The following UNC5B variants were observed in gnomAD, a reference collection of about 807,000 sequenced individuals.
The protein encoded by UNC5B is unc-5 netrin receptor B, also known as netrin receptor UNC5B.
UNC5B carries 56 observed loss-of-function variants against 103.7 expected under a neutral mutation model. That is an observed-to-expected ratio of 0.54 (90% CI 0.44 to 0.67). The LOEUF (loss-of-function observed/expected upper bound fraction) is 0.67, where lower values mean the gene tolerates loss of function less well. Among genes scored for constraint, UNC5B ranks in the 30% least tolerant of loss-of-function variants. The pLI is 0.00. For synonymous variants in UNC5B, 577 were observed against 542.0 expected, an observed-to-expected ratio of 1.06 and a Z score of -0.90; for missense variants, 1,194 against 1,284.5, an observed-to-expected ratio of 0.93 and a Z score of 1.08.
chr10:71,281,322 A>C (rs28662883), intron 2 of UNC5B, among the ~76,000 whole-genome samples: 6,064 of 151,474 alleles, frequency 0.04, 188 homozygotes, highest in South Asian at 0.089. Flanking sequence ...CTCACCCAAA[A>C]TATAAAAATG....
chr10:71,237,126 T>G (rs1197286698), intron 1 of UNC5B, among the ~76,000 whole-genome samples: 1 of 151,930 alleles, frequency 6.6e-6, no homozygotes, highest in Non-Finnish European at 1.5e-5. Context: ...CCAGGCTGGG[T>G]GTGGAATAGC....
At position 71,227,569 on chromosome 10, in the gene UNC5B, CAAAATA is replaced by C. The variant is rs1175326060; in HGVS notation, c.79+14520_79+14525del. On this transcript the variant is annotated intron_variant, in intron 1 of 16. Transcript: ENST00000335350. ...CACCTGTTCCCAAAAACTATTGAAA[CAAAATA>C]AAAATAAAAATAAATTTTGTATACA... 5.4e-5 allele frequency among the ~76,000 whole-genome samples: 8 copies of C among 148,076 alleles called. No homozygotes were observed. The East Asian group carries it at 1.6e-3, about 29-fold the overall frequency.
chr10:71,243,439 A>G (rs560258714), intron 1 of UNC5B, among the ~76,000 whole-genome samples: 1 of 152,298 alleles, frequency 6.6e-6, no homozygotes, highest in East Asian at 1.9e-4. Context: ...ACACGTGGCT[A>G]TTGAGCACTG....
In UNC5B at chr10:71,295,877, A is replaced by C. The variant is rs772150969; in HGVS notation, c.2242A>C (p.Lys748Gln). The C allele has an allele frequency of 6.2e-7, 1 of 1,613,194 alleles. No homozygotes were observed. The highest frequency in any genetic ancestry group is 1.1e-5 in the South Asian group (1 of 91,044). ...LVEEPKPLMF[K>Q]DSYHNLRLSL... ...GGAGGAGCCGAAACCGCTAATGTTC[A>C]AGGACAGTTACCACAACCTGCGCCT... Residue 748 changes from lysine to glutamine, a missense_variant, in exon 14 of 17, where the codon AAG (lysine) becomes CAG (glutamine). Lys to Gln is a moderately conservative substitution (Grantham distance 53). Coordinates refer to ENST00000335350, the MANE Select transcript of UNC5B (RefSeq NM_170744.5).
chr10:71,214,162 A>G (rs1394220523), intron 1 of UNC5B, among the ~76,000 whole-genome samples: 1 of 152,048 alleles, frequency 6.6e-6, no homozygotes, highest in Non-Finnish European at 1.5e-5. Context: ...GTTGAGGCTG[A>G]GAATGGAGCA....
intron 15 of UNC5B, 79 bp from the exon 16 acceptor site, chr10:71,297,830 T>C: frequency 6.9e-7 from 1 of 1,457,144 alleles, no homozygotes; most frequent in Non-Finnish European, 9.3e-7. Context: ...CTCAATGAGC[T>C]CACAGTCCAA....
chr10:71,284,946 G>A, intron 3 of UNC5B, 83 bp downstream of exon 3: 5 of 1,508,852 alleles, frequency 3.3e-6, no homozygotes, highest in South Asian at 1.3e-5. Context: ...TCACATCTGT[G>A]GGGCCTCCTC....
chr10:71,235,225 G>A (rs1843753156), intron 1 of UNC5B, among the ~76,000 whole-genome samples: 1 of 152,126 alleles, frequency 6.6e-6, no homozygotes, highest in African/African-American at 2.4e-5. Flanking sequence ...ACAGCCCCTC[G>A]CTAGGGGAGC....
At chr10:71,296,516 A>G in intron 14 of UNC5B, 62 bp from the exon 15 acceptor site, 1 of 1,577,058 alleles carries the variant, frequency 6.3e-7, no homozygotes. Flanking sequence ...CTGAGCCTCC[A>G]TTTCTATGAG....
chr10:71,214,146 C>T (rs1002158231), intron 1 of UNC5B, among the ~76,000 whole-genome samples: 2 of 152,116 alleles, frequency 1.3e-5, no homozygotes, highest in African/African-American at 4.8e-5. Context: ...ACGGAGTCCT[C>T]TCTGAGTTGA....
chr10:71,255,741 G>A (rs550398334), intron 1 of UNC5B, among the ~76,000 whole-genome samples: 3 of 152,306 alleles, frequency 2.0e-5, no homozygotes, highest in African/African-American at 7.2e-5. Context: ...CCACCAGCCC[G>A]GACTGAATTC....
At chr10:71,226,983 CTTT>C (rs34048995) in intron 1 of UNC5B, among the ~76,000 whole-genome samples, 1 of 142,690 alleles carries the variant, frequency 7.0e-6, no homozygotes. Flanking sequence ...GACCATTCTT[CTTT>C]TTTTTTTTTT....
intron 1 of UNC5B, among the ~76,000 whole-genome samples, chr10:71,214,225 C>T (rs1843288945): frequency 6.6e-6 from 1 of 152,152 alleles, no homozygotes; most frequent in African/African-American, 2.4e-5. Flanking sequence ...CCACCTCCTA[C>T]CTCCTGCTGC....
intron 9 of UNC5B, 72 bp downstream of exon 9, chr10:71,291,181 C>T: frequency 6.6e-7 from 1 of 1,517,114 alleles, no homozygotes; most frequent in East Asian, 2.3e-5. Context: ...GTACCCAGAC[C>T]AGAGCCAGGC....
intron 1 of UNC5B, among the ~76,000 whole-genome samples, chr10:71,244,833 C>T (rs1357099391): frequency 4.6e-5 from 7 of 152,190 alleles, no homozygotes; most frequent in Non-Finnish European, 5.9e-5. Flanking sequence ...GGCGTGCTGG[C>T]GTGCTTGTGT....
chr10:71,228,939 G>A (rs145192057), intron 1 of UNC5B, among the ~76,000 whole-genome samples: 5 of 152,138 alleles, frequency 3.3e-5, no homozygotes, highest in Non-Finnish European at 5.9e-5. Context: ...CTCCAGATTC[G>A]GTGCTCCTTC....
At chr10:71,269,350 C>CCCT (rs34973560) in intron 1 of UNC5B, among the ~76,000 whole-genome samples, 4 of 145,140 alleles carry the variant, frequency 2.8e-5, no homozygotes, top group South Asian at 2.5e-4. Context: ...AAGTCCCCCC[C>CCCT]CCACAACTTC....
Position 71,291,000 on chromosome 10 carries a change from G to A in UNC5B, c.1185G>A (p.Gly395=). 6.2e-7 allele frequency: 1 copy of A among 1,614,074 alleles called. No homozygotes were observed. Among genetic ancestry groups the A allele is most frequent in the Non-Finnish European group, 8.5e-7 (1 of 1,180,006 alleles). ...TCGTGGCAATCCTCATGGCGGTGGG[G>A]GTGGTGGTGTACCGCCGCAACTGCC... The part of the protein sequence containing the change: ...FVVVAILMAV[G]VVVYRRNCRD... Residue 395 remains glycine, a synonymous_variant, in exon 9 of 17, where the codon GGG becomes GGA. Coordinates refer to ENST00000335350, the MANE Select transcript of UNC5B (RefSeq NM_170744.5).
chr10:71,296,532 G>C, intron 14 of UNC5B, 46 bp from the exon 15 acceptor site: 1 of 1,603,044 alleles, frequency 6.2e-7, no homozygotes, highest in Non-Finnish European at 8.5e-7. Context: ...ATGAGGACAG[G>C]GCAGGCTGGC....
Sources: gnomAD v4.1 joint callset for allele counts (sites outside exome capture counted in the v4.1 genomes callset) on GRCh38, gnomAD v4.1.1 for gene constraint, MANE v1.5 for transcripts, NCBI Gene and HGNC (gene_info 2026-07-23, HGNC 2026-07-21) for gene names.